Variants in ARB2A observed in about 807,000 individuals in gnomAD.
The protein encoded by ARB2A is ARB2 cotranscriptional regulator A, also known as cotranscriptional regulator ARB2A.
At chr5:93,927,416 G>A in the ARB2A span, among the ~76,000 whole-genome samples, 3 of 152,134 alleles carry the variant, frequency 2.0e-5, no homozygotes, top group South Asian at 6.2e-4. Flanking sequence ...TTGATGAACT[G>A]CTGTTTGTGG....
chr5:94,081,320 C>T, the ARB2A span, among the ~76,000 whole-genome samples: 1 of 152,230 alleles, frequency 6.6e-6, no homozygotes, highest in South Asian at 2.1e-4. Context: ...ACCATATGAC[C>T]CAGCAATTCT....
the ARB2A span, among the ~76,000 whole-genome samples, chr5:93,720,404 T>C: frequency 6.6e-6 from 1 of 152,186 alleles, no homozygotes; most frequent in Non-Finnish European, 1.5e-5. Flanking sequence ...TAGAACCTAA[T>C]CTATAGTTCA....
chr5:94,022,012 G>A, the ARB2A span, among the ~76,000 whole-genome samples: 2 of 151,942 alleles, frequency 1.3e-5, no homozygotes, highest in African/African-American at 2.4e-5. Context: ...CGGAGGTTAC[G>A]GTGAGCCAAG....
chr5:93,821,260 T>A, the ARB2A span, among the ~76,000 whole-genome samples: 3 of 152,256 alleles, frequency 2.0e-5, no homozygotes, highest in African/African-American at 7.2e-5. Flanking sequence ...ACGATTTCCA[T>A]GCATTCAAAC....
At chr5:93,965,380 G>A in the ARB2A span, among the ~76,000 whole-genome samples, 3 of 151,914 alleles carry the variant, frequency 2.0e-5, no homozygotes, top group Non-Finnish European at 4.4e-5. Context: ...ACCCTTATAA[G>A]CAGTAAACGA....
At chr5:93,778,178 T>G in the ARB2A span, among the ~76,000 whole-genome samples, 1 of 152,214 alleles carries the variant, frequency 6.6e-6, no homozygotes. Flanking sequence ...GCTCTCCTAA[T>G]CTTAATTAGC....
chr5:93,966,960 T>C, the ARB2A span, among the ~76,000 whole-genome samples: 2 of 151,918 alleles, frequency 1.3e-5, no homozygotes, highest in African/African-American at 4.8e-5. Flanking sequence ...GTACATGAAT[T>C]CTCCTCTCTG....
At chr5:93,905,359 G>T in the ARB2A span, among the ~76,000 whole-genome samples, 1 of 151,554 alleles carries the variant, frequency 6.6e-6, no homozygotes, top group Non-Finnish European at 1.5e-5. Flanking sequence ...CGGCAGTGTG[G>T]TTTACAGAGA....
At chr5:93,800,023 G>C in the ARB2A span, among the ~76,000 whole-genome samples, 1 of 151,924 alleles carries the variant, frequency 6.6e-6, no homozygotes, top group Non-Finnish European at 1.5e-5. Context: ...AAATCACTTT[G>C]AAAAATGCGA....
the ARB2A span, among the ~76,000 whole-genome samples, chr5:93,915,727 C>T: frequency 6.6e-6 from 1 of 151,982 alleles, no homozygotes; most frequent in African/African-American, 2.4e-5. Flanking sequence ...TAACTCTCTA[C>T]TCCCTCCCTC....
the ARB2A span, among the ~76,000 whole-genome samples, chr5:93,947,309 A>T: frequency 6.6e-6 from 1 of 152,138 alleles, no homozygotes; most frequent in Admixed American, 6.5e-5. Context: ...CCTAAATTCA[A>T]ACTGCAAATC....
At chr5:94,020,091 G>C in the ARB2A span, among the ~76,000 whole-genome samples, 1 of 152,132 alleles carries the variant, frequency 6.6e-6, no homozygotes, top group Non-Finnish European at 1.5e-5. Flanking sequence ...CCATAAAAAA[G>C]GATGAGTTCA....
the ARB2A span, among the ~76,000 whole-genome samples, chr5:94,010,560 AAAT>A: frequency 6.6e-6 from 1 of 152,152 alleles, no homozygotes; most frequent in Non-Finnish European, 1.5e-5. Flanking sequence ...ATCTTCAGGA[AAAT>A]AATAATAATT....
chr5:93,618,281 A>T, the ARB2A span: 1 of 152,158 alleles, frequency 6.6e-6, no homozygotes, highest in Admixed American at 6.6e-5. Context: ...CGGGATGGCT[A>T]GTACCTATAG....
chr5:93,705,915 A>T, the ARB2A span, among the ~76,000 whole-genome samples: 4 of 152,294 alleles, frequency 2.6e-5, no homozygotes, highest in Admixed American at 2.0e-4. Flanking sequence ...TTCTTAACGT[A>T]TAATGCCCTT....
At chr5:93,622,955 G>A in the ARB2A span, among the ~76,000 whole-genome samples, 1 of 152,048 alleles carries the variant, frequency 6.6e-6, no homozygotes, top group African/African-American at 2.4e-5. Context: ...AATCTTAAAG[G>A]ATTCTTTTGA....
the ARB2A span, among the ~76,000 whole-genome samples, chr5:93,665,215 T>C: frequency 1.3e-5 from 2 of 152,214 alleles, no homozygotes; most frequent in Non-Finnish European, 2.9e-5. Flanking sequence ...ATTGACATGA[T>C]GTACTAAAAA....
the ARB2A span, among the ~76,000 whole-genome samples, chr5:93,702,620 A>G: frequency 6.6e-6 from 1 of 152,250 alleles, no homozygotes; most frequent in Non-Finnish European, 1.5e-5. Flanking sequence ...TTCTGAATAA[A>G]TGAAGGAAAG....
At chr5:93,932,996 T>C in the ARB2A span, among the ~76,000 whole-genome samples, 1 of 152,134 alleles carries the variant, frequency 6.6e-6, no homozygotes, top group African/African-American at 2.4e-5. Flanking sequence ...GCAAAGGATA[T>C]GAACAGACAC....
Sources: allele counts gnomAD v4.1 joint callset (sites outside exome capture counted in the v4.1 genomes callset), GRCh38; gene constraint gnomAD v4.1.1; transcripts MANE v1.5; gene names NCBI Gene and HGNC (gene_info 2026-07-23, HGNC 2026-07-21).